The following PLOD2 variants were observed in gnomAD, a reference collection of about 807,000 sequenced individuals.
The protein encoded by PLOD2 is lysine hydroxylase 2.
In PLOD2, 65 loss-of-function variants were observed where a neutral mutation model predicts 101.0. The ratio of observed to expected loss-of-function variants is 0.64; its 90% CI spans 0.53 to 0.79. PLOD2 has a LOEUF of 0.79. PLOD2 is among the 30% of genes least tolerant of loss of function. The pLI, the probability that PLOD2 is intolerant of heterozygous loss-of-function variation, is 0.00. For missense variants in PLOD2, 909 were observed against 914.6 expected (o/e 0.99, Z 0.08); for synonymous variants, 314 against 302.9 (o/e 1.04, Z -0.38).
Position 146,072,602 on chromosome 3 carries a change from C to A in PLOD2, c.1807G>T (p.Glu603Ter). Reference sequence around the variant, plus strand: ...GACCATTTGCCGTAATGTTCCATTTCTTCTACCAATTCATCACAGGCTTTT... The same window carrying A: ...GACCATTTGCCGTAATGTTCCATTTATTCTACCAATTCATCACAGGCTTTT... ...SEKACDELVE[E>*]MEHYGKWSGG... Residue 603 changes from glutamate to a stop codon, truncating the protein, a stop_gained, in exon 17 of 20, where the codon GAA becomes TAA. Transcript: ENST00000282903. LOFTEE classifies it high-confidence loss of function. The A allele has an allele frequency of 6.2e-7, 1 of 1,610,816 alleles. No individual in the cohort carries two copies.
chr3:146,120,015 C>A (rs931059703), intron 3 of PLOD2, among the ~76,000 whole-genome samples: 1 of 151,826 alleles, frequency 6.6e-6, no homozygotes, highest in Non-Finnish European at 1.5e-5. Flanking sequence ...GAGGAATCAC[C>A]ACACTGACTT....
At chr3:146,150,313 T>C (rs1382444597) in intron 1 of PLOD2, among the ~76,000 whole-genome samples, 1 of 152,180 alleles carries the variant, frequency 6.6e-6, no homozygotes, top group East Asian at 1.9e-4. Flanking sequence ...CTGATGACTA[T>C]TTATGTAACA....
Position 146,070,662 on chromosome 3 carries a change from G to T in PLOD2, c.*55C>A. 1 of 1,209,752 alleles carries T rather than the reference G, an allele frequency of 8.3e-7. No homozygotes were observed. Among genetic ancestry groups the T allele is most frequent in the Non-Finnish European group, 1.2e-6 (1 of 818,760 alleles). 74.9% of individuals were successfully genotyped at this position (1,209,752 alleles called of 1,614,324 possible). A position where few individuals can be genotyped will look rare whatever the true frequency, so the allele number is the denominator to read the frequency against. ...TTCTCAGCCACAACTTCAAAGACGT[G>T]TTCATGCCAGTCATTCATCCAAAAT... is the stretch of plus-strand genomic sequence containing the variant. On this transcript the variant is annotated 3_prime_UTR_variant, in exon 20 of 20. Coordinates refer to ENST00000282903, the MANE Select transcript of PLOD2 (RefSeq NM_182943.3).
At chr3:146,108,155 A>G (rs1238977483) in intron 4 of PLOD2, among the ~76,000 whole-genome samples, 3 of 151,922 alleles carry the variant, frequency 2.0e-5, no homozygotes, top group African/African-American at 7.3e-5. Context: ...ATTTTATGTG[A>G]TTTATATTTT....
intron 3 of PLOD2, 121 bp from the exon 4 acceptor site, chr3:146,110,569 C>T: frequency 7.1e-6 from 5 of 706,536 alleles, no homozygotes; most frequent in Non-Finnish European, 1.2e-5. Flanking sequence ...AATACCTGTG[C>T]CAACTATTTA....
At chr3:146,154,363 T>C (rs2032203004) in intron 1 of PLOD2, among the ~76,000 whole-genome samples, 1 of 152,158 alleles carries the variant, frequency 6.6e-6, no homozygotes, top group Non-Finnish European at 1.5e-5. Flanking sequence ...TCCAATGTAG[T>C]ATACCTTGTC....
chr3:146,074,969 T>G (rs1936279327), intron 15 of PLOD2, among the ~76,000 whole-genome samples: 1 of 151,578 alleles, frequency 6.6e-6, no homozygotes, highest in Admixed American at 6.6e-5. Context: ...TCCAAAGACT[T>G]GAATTCTTAC....
At chr3:146,083,956 T>C (rs1314017205) in intron 11 of PLOD2, among the ~76,000 whole-genome samples, 1 of 151,924 alleles carries the variant, frequency 6.6e-6, no homozygotes, top group African/African-American at 2.4e-5. Context: ...TAGTGTAAAT[T>C]CATTAAATAG....
chr3:146,147,629 C>T (rs1330457971), intron 1 of PLOD2, among the ~76,000 whole-genome samples: 1 of 152,070 alleles, frequency 6.6e-6, no homozygotes, highest in Admixed American at 6.6e-5. Flanking sequence ...ACCCACTGCT[C>T]AAAACAAAAT....
Position 146,160,912 on chromosome 3 carries a change from C to T in PLOD2, c.78G>A (p.Ala26=), listed in dbSNP as rs767302057. ...GGATGCTCGAGGGCTTCTCCGAGTC[C>T]GCACCCAGACAGGGATTCCAGGGGT... ...VLHPWNPCLG[A]DSEKPSSIPT... is the part of the protein sequence containing the mutation. Residue 26 remains alanine, a synonymous_variant, in exon 1 of 20, where the codon GCG becomes GCA. Coordinates refer to ENST00000282903, the MANE Select transcript of PLOD2 (RefSeq NM_182943.3). 2 of 1,594,026 alleles carry T rather than the reference C, an allele frequency of 1.3e-6. No individual in the cohort carries two copies. The highest frequency in any genetic ancestry group is 1.1e-5 in the South Asian group (1 of 87,658).
chr3:146,140,170 A>C (rs1016469476), intron 1 of PLOD2, among the ~76,000 whole-genome samples: 1 of 150,622 alleles, frequency 6.6e-6, no homozygotes, highest in African/African-American at 2.5e-5. Flanking sequence ...TGAAAGAGTC[A>C]ATGTTTCATT....
intron 1 of PLOD2, among the ~76,000 whole-genome samples, chr3:146,141,255 C>T (rs1032761771): frequency 3.2e-4 from 49 of 151,924 alleles, no homozygotes; most frequent in African/African-American, 1.0e-3. Context: ...TAATGTGGAC[C>T]GCTAATAAAA....
chr3:146,125,303 T>C (rs547709349), intron 1 of PLOD2, among the ~76,000 whole-genome samples: 2 of 152,230 alleles, frequency 1.3e-5, no homozygotes, highest in East Asian at 3.9e-4. Flanking sequence ...AACCAATGTA[T>C]CTATCTGTCA....
At position 146,129,466 on chromosome 3, in the gene PLOD2, TCTA is replaced by T. The variant is rs139572303; in HGVS notation, c.110-5240_110-5238del. ...GGCAAAGTAAAGCTTAAATCCCAGC[TCTA>T]TTATTTCTTCTTGGTTTTGACTTGG... is the stretch of plus-strand genomic sequence containing the variant. On this transcript the variant is annotated intron_variant, in intron 1 of 19. Transcript: ENST00000282903. Among the ~76,000 whole-genome samples the T allele has an allele frequency of 9.7e-3, 1,483 of 152,314 alleles. 28 individuals are homozygous for T. Among genetic ancestry groups the T allele is most frequent in the African/African-American group, 0.034 (1,410 of 41,592 alleles).
At chr3:146,142,823 C>G (rs762111986) in intron 1 of PLOD2, among the ~76,000 whole-genome samples, 7 of 152,098 alleles carry the variant, frequency 4.6e-5, no homozygotes, top group Non-Finnish European at 1.0e-4. Flanking sequence ...TCAGCACATT[C>G]CAATCTCTTG....
At chr3:146,099,137 C>T (rs941189213) in intron 7 of PLOD2, among the ~76,000 whole-genome samples, 1 of 152,124 alleles carries the variant, frequency 6.6e-6, no homozygotes, top group Non-Finnish European at 1.5e-5. Flanking sequence ...AGGAGCATCA[C>T]ATAGCTTGAA....
chr3:146,104,485 A>T (rs1347106330), intron 5 of PLOD2, 143 bp from the exon 6 acceptor site: 3 of 612,026 alleles, frequency 4.9e-6, no homozygotes, highest in Non-Finnish European at 8.7e-6. Context: ...TATTTAGATG[A>T]CTAAAGTATT....
intron 1 of PLOD2, among the ~76,000 whole-genome samples, chr3:146,142,549 G>A (rs1337527507): frequency 1.3e-5 from 2 of 151,904 alleles, no homozygotes; most frequent in African/African-American, 2.4e-5. Flanking sequence ...TGTAAAGGTT[G>A]GTCAATAAAA....
At chr3:146,151,335 T>C (rs1016917638) in intron 1 of PLOD2, among the ~76,000 whole-genome samples, 1 of 152,158 alleles carries the variant, frequency 6.6e-6, no homozygotes, top group East Asian at 1.9e-4. Flanking sequence ...CGGTCTCTTC[T>C]AAAAATACAA....
Sources: gnomAD v4.1 joint callset for allele counts (sites outside exome capture counted in the v4.1 genomes callset) on GRCh38, gnomAD v4.1.1 for gene constraint, MANE v1.5 for transcripts, NCBI Gene and HGNC (gene_info 2026-07-23, HGNC 2026-07-21) for gene names.